Variants in EIF2B3 observed in about 807,000 individuals in gnomAD.
EIF2B3 encodes translation initiation factor eIF2B subunit gamma.
Under a neutral mutation model 54.1 loss-of-function variants are expected in EIF2B3, and 20 were observed. The observed-to-expected ratio is 0.37, with a 90% CI of 0.26 to 0.54. The LOEUF is 0.54. Among genes scored for constraint, EIF2B3 ranks in the 20% least tolerant of loss-of-function variants. The pLI is 0.86. For missense variants in EIF2B3, 448 were observed against 547.8 expected, an observed-to-expected ratio of 0.82 and a Z score of 1.82; for synonymous variants, 153 against 188.1, an observed-to-expected ratio of 0.81 and a Z score of 1.52.
intron 11 of EIF2B3, among the ~76,000 whole-genome samples, chr1:44,855,148 T>G (rs1005983957): frequency 1.3e-5 from 2 of 151,292 alleles, no homozygotes; most frequent in Non-Finnish European, 2.9e-5. Context: ...AGGGAGTTCC[T>G]GTGGCAGGAG....
chr1:44,978,404 T>A lies in EIF2B3; in HGVS notation c.205A>T (p.Met69Leu). 2 of 1,613,982 alleles carry A rather than the reference T, an allele frequency of 1.2e-6. No individual in the cohort carries two copies. Among genetic ancestry groups the A allele is most frequent in the South Asian group, 1.1e-5 (1 of 91,084 alleles). Residue 69 changes from methionine to leucine, a missense_variant, in exon 3 of 12, where the codon ATG becomes TTG. By Grantham distance (15) the Met-to-Leu change is conservative. Transcript: ENST00000360403. ...CACACAATATCTGGCTTCATTTTCA[T>A]CTTGAATTCTGCACATAGAGCCTTT... ...VQKALCAEFK[M>L]KMKPDIVCIP...
intron 5 of EIF2B3, among the ~76,000 whole-genome samples, chr1:44,914,443 G>A (rs1389610684): frequency 1.3e-5 from 2 of 152,132 alleles, no homozygotes; most frequent in Admixed American, 6.6e-5. Flanking sequence ...TTATAGGCGT[G>A]AGCCACTGTG....
chr1:44,890,643 G>GT (rs918359986), intron 6 of EIF2B3, among the ~76,000 whole-genome samples: 6 of 151,908 alleles, frequency 3.9e-5, no homozygotes, highest in Admixed American at 1.3e-4. Context: ...AAGCATATAT[G>GT]TTTTTTTTCC....
chr1:44,858,640 T>A (rs35957134), intron 10 of EIF2B3, among the ~76,000 whole-genome samples: 28,242 of 151,858 alleles, frequency 0.19, 2,874 homozygotes, highest in Admixed American at 0.28. Flanking sequence ...AATTTTTGTA[T>A]TTTTAGTACA....
intron 5 of EIF2B3, among the ~76,000 whole-genome samples, chr1:44,923,231 G>A (rs935301225): frequency 6.6e-6 from 1 of 152,036 alleles, no homozygotes; most frequent in African/African-American, 2.4e-5. Flanking sequence ...TTGTTTGACT[G>A]CTCTAGCTAG....
At chr1:44,927,578 T>C (rs994648355) in intron 4 of EIF2B3, among the ~76,000 whole-genome samples, 3 of 152,210 alleles carry the variant, frequency 2.0e-5, no homozygotes, top group African/African-American at 7.2e-5. Flanking sequence ...GAGTGTCCTA[T>C]AGCACATGCC....
At chr1:44,935,666 A>AT (rs1468557790) in intron 4 of EIF2B3, among the ~76,000 whole-genome samples, 2 of 152,000 alleles carry the variant, frequency 1.3e-5, no homozygotes, top group African/African-American at 4.8e-5. Flanking sequence ...CACCCAGCTA[A>AT]TTTTTTTGTA....
intron 3 of EIF2B3, among the ~76,000 whole-genome samples, chr1:44,948,502 T>C (rs912349966): frequency 6.6e-6 from 1 of 152,022 alleles, no homozygotes; most frequent in Non-Finnish European, 1.5e-5. Context: ...AAACAGTGTT[T>C]TCCAAACATC....
At chr1:44,942,397 A>ATATATATATATATATG (rs1644036895) in intron 3 of EIF2B3, among the ~76,000 whole-genome samples, 1 of 13,948 alleles carries the variant, frequency 7.2e-5, no homozygotes, top group East Asian at 3.4e-3. Context: ...ATATATATAT[A>ATATATATATATATATG]TATATATATA....
intron 10 of EIF2B3, among the ~76,000 whole-genome samples, chr1:44,871,583 A>T (rs977665663): frequency 1.3e-5 from 2 of 152,210 alleles, no homozygotes; most frequent in Non-Finnish European, 2.9e-5. Flanking sequence ...CTTTCATATA[A>T]CAAATATTTA....
intron 3 of EIF2B3, chr1:44,972,712 G>A (rs1245821851): frequency 1.3e-5 from 2 of 151,858 alleles, no homozygotes; most frequent in African/African-American, 4.9e-5. Context: ...CTGTTGCCCA[G>A]GCTAGAGTGC....
chr1:44,941,804 A>T, intron 3 of EIF2B3, 139 bp from the exon 4 acceptor site: 1 of 1,011,842 alleles, frequency 9.9e-7, no homozygotes, highest in Non-Finnish European at 1.5e-6. Context: ...CAAACAAGTA[A>T]AATAAATGGG....
chr1:44,897,885 C>T (rs1431011984), intron 5 of EIF2B3, among the ~76,000 whole-genome samples: 1 of 151,776 alleles, frequency 6.6e-6, no homozygotes, highest in Admixed American at 6.6e-5. Context: ...TATAGTTGTA[C>T]ACCACCATGC....
At chr1:44,937,745 G>A (rs971336365) in intron 4 of EIF2B3, among the ~76,000 whole-genome samples, 4 of 151,938 alleles carry the variant, frequency 2.6e-5, no homozygotes, top group African/African-American at 9.7e-5. Context: ...TTAGCCGGGC[G>A]TGGTGGCGGG....
intron 3 of EIF2B3, chr1:44,958,767 A>C: frequency 6.6e-7 from 1 of 1,512,422 alleles, no homozygotes; most frequent in East Asian, 2.3e-5. Context: ...TCCATCAGAG[A>C]AATATAAAGC....
intron 4 of EIF2B3, among the ~76,000 whole-genome samples, chr1:44,928,294 A>C (rs924356419): frequency 6.6e-6 from 1 of 151,922 alleles, no homozygotes; most frequent in Non-Finnish European, 1.5e-5. Flanking sequence ...AAATAAAAAA[A>C]TCAGCTGCCG....
intron 6 of EIF2B3, among the ~76,000 whole-genome samples, chr1:44,885,350 C>A (rs1655541657): frequency 1.3e-5 from 2 of 152,042 alleles, no homozygotes; most frequent in Admixed American, 1.3e-4. Flanking sequence ...AAGTAAAAAA[C>A]TAAAATAAGA....
chr1:44,941,914 AC>A (rs775553877), intron 3 of EIF2B3, among the ~76,000 whole-genome samples: 6 of 152,158 alleles, frequency 3.9e-5, no homozygotes, highest in Non-Finnish European at 5.9e-5. Context: ...CATCTCTGGA[AC>A]CCTAGGTTCT....
chr1:44,973,445 AAAAT>A (rs1644422183), intron 3 of EIF2B3, among the ~76,000 whole-genome samples: 1 of 152,192 alleles, frequency 6.6e-6, no homozygotes. Context: ...CCAATCACAA[AAAAT>A]AAATACTGGA....
Sources: gnomAD v4.1 joint callset for allele counts (sites outside exome capture counted in the v4.1 genomes callset) on GRCh38, gnomAD v4.1.1 for gene constraint, MANE v1.5 for transcripts, NCBI Gene and HGNC (gene_info 2026-07-23, HGNC 2026-07-21) for gene names.